Variants in TSFM observed in about 807,000 individuals in gnomAD.
TSFM encodes the protein Ts translation elongation factor, mitochondrial.
Under a neutral mutation model 33.4 loss-of-function variants are expected in TSFM, and 29 were observed. The observed-to-expected ratio is 0.87, with a 90% CI of 0.65 to 1.18. The LOEUF is 1.18. Ranked by LOEUF, TSFM falls within the 50% of genes most tolerant of loss-of-function variation. The probability of loss-of-function intolerance (pLI) is 0.00; values close to 1 mark genes in which losing one functional copy is unlikely to be tolerated. For missense variants in TSFM, 394 were observed against 395.6 expected (o/e 1.00, Z 0.04); for synonymous variants, 178 against 163.5 (o/e 1.09, Z -0.68).
intron 2 of TSFM, chr12:57,784,298 CAGTG>C (rs1955559388): frequency 1.7e-6 from 1 of 597,396 alleles, no homozygotes; most frequent in South Asian, 1.9e-5. Context: ...CTGGGTGAGT[CAGTG>C]AGTGGTGAGT....
downstream of TSFM, chr12:57,797,620 T>C (rs993360328): frequency 2.2e-6 from 2 of 915,742 alleles, no homozygotes; most frequent in African/African-American, 3.5e-5. Flanking sequence ...TTCTCCAGAT[T>C]TATGCAGTTT....
downstream of TSFM, chr12:57,801,287 C>T: frequency 1.6e-6 from 2 of 1,271,398 alleles, no homozygotes; most frequent in Non-Finnish European, 2.2e-6. Flanking sequence ...TGGTCTGTGT[C>T]TTCAGGAAAA....
chr12:57,794,394 G>A (rs1955703304), intron 5 of TSFM, among the ~76,000 whole-genome samples: 1 of 152,182 alleles, frequency 6.6e-6, no homozygotes, highest in Non-Finnish European at 1.5e-5. Flanking sequence ...TCTGTTAGAA[G>A]AGAATAACAT....
downstream of TSFM, chr12:57,802,028 G>A (rs1595157763): frequency 9.8e-7 from 1 of 1,021,436 alleles, no homozygotes; most frequent in African/African-American, 1.6e-5. Flanking sequence ...TAAAAGGCAG[G>A]GAGTGGGATG....
At chr12:57,801,753 A>T (rs1315604490), downstream of TSFM, among the ~76,000 whole-genome samples, 3 of 152,146 alleles carry the variant, frequency 2.0e-5, no homozygotes, top group African/African-American at 7.2e-5. Flanking sequence ...AAAAAGAAAA[A>T]AAAAAGTTGA....
intron 2 of TSFM, among the ~76,000 whole-genome samples, chr12:57,784,627 T>C (rs533981586): frequency 1.8e-4 from 27 of 152,104 alleles, no homozygotes; most frequent in Admixed American, 1.7e-3. Flanking sequence ...GCCTGTAATC[T>C]CAGAACTTTG....
chr12:57,801,306 G>A (rs1955843617), downstream of TSFM: 1 of 984,640 alleles, frequency 1.0e-6, no homozygotes, highest in Non-Finnish European at 1.5e-6. Context: ...AAGCAAAAGA[G>A]CCAGGGAGTC....
At chr12:57,797,954 G>GCAAA, downstream of TSFM, 1 of 1,613,210 alleles carries the variant, frequency 6.2e-7, no homozygotes, top group Non-Finnish European at 8.5e-7. Context: ...GCCCTCTTGT[G>GCAAA]ATGCCAAACA....
intron 4 of TSFM, among the ~76,000 whole-genome samples, chr12:57,788,965 CTTTTTTTTTT>C (rs35955000): frequency 7.3e-6 from 1 of 136,124 alleles, no homozygotes; most frequent in African/African-American, 2.7e-5. Context: ...TATCATCGCC[CTTTTTTTTTT>C]TTTTTTTTGA....
chr12:57,800,287 TA>T (rs922054687), downstream of TSFM: 45 of 180,046 alleles, frequency 2.5e-4, no homozygotes, highest in African/African-American at 1.1e-3. Flanking sequence ...TAGTCCTACT[TA>T]AATACAATTT....
chr12:57,799,937 T>C, downstream of TSFM: 1 of 1,613,978 alleles, frequency 6.2e-7, no homozygotes, highest in Middle Eastern at 1.6e-4. Context: ...AAGATAAGAA[T>C]GTAGGCACAG....
At position 57,786,033 on chromosome 12, in the gene TSFM, G is replaced by A; in HGVS notation, c.232-130G>A. The A allele has an allele frequency of 3.4e-6, 4 of 1,179,602 alleles. No individual in the cohort carries two copies. In the East Asian group the frequency reaches 8.5e-5, roughly 25 times the overall value. 73.1% of individuals were successfully genotyped at this position (1,179,602 alleles called of 1,614,324 possible). ...TTTGGCATTTAGTGGTAGACTGCCAGTAAATGATAGATTACTTTAGTTTCT... is the reference window on the plus strand; with the variant it reads ...TTTGGCATTTAGTGGTAGACTGCCAATAAATGATAGATTACTTTAGTTTCT... On this transcript the variant is annotated intron_variant, in intron 2 of 5. Coordinates refer to ENST00000652027, the MANE Select transcript of TSFM (RefSeq NM_005726.6).
chr12:57,784,219 A>G (rs1955558113), intron 2 of TSFM: 1 of 682,732 alleles, frequency 1.5e-6, no homozygotes, highest in Non-Finnish European at 2.7e-6. Context: ...AATAGGCATA[A>G]AAGATAAAAA....
intron 2 of TSFM, among the ~76,000 whole-genome samples, chr12:57,785,716 G>A (rs1016810553): frequency 6.6e-6 from 1 of 152,180 alleles, no homozygotes; most frequent in African/African-American, 2.4e-5. Context: ...AATTGTATGT[G>A]CTATACTTTA....
intron 4 of TSFM, among the ~76,000 whole-genome samples, chr12:57,788,342 C>A (rs1031489590): frequency 1.3e-5 from 2 of 151,532 alleles, no homozygotes; most frequent in African/African-American, 4.8e-5. Context: ...TGCAGTGGTG[C>A]AATCTTGGCT....
intron 5 of TSFM, 74 bp downstream of exon 5, chr12:57,793,147 A>G (rs1010490156): frequency 3.0e-6 from 4 of 1,328,054 alleles, no homozygotes; most frequent in Non-Finnish European, 4.3e-6. Flanking sequence ...CTCCAAATCT[A>G]GGTCAAGAAT....
intron 4 of TSFM, among the ~76,000 whole-genome samples, chr12:57,792,287 G>A (rs564388633): frequency 3.3e-5 from 5 of 152,268 alleles, no homozygotes; most frequent in Admixed American, 1.3e-4. Flanking sequence ...AGTGGCTTAC[G>A]CCTGTAATCC....
Position 57,795,412 on chromosome 12 carries a change from ATTAT to A in TSFM, c.572-758_572-755del, listed in dbSNP as rs369090706. On this transcript the variant is annotated intron_variant, in intron 5 of 5. Coordinates refer to ENST00000652027, the MANE Select transcript of TSFM (RefSeq NM_005726.6). ...ACCACGGCTGGCTGCTTTTACATAT[ATTAT>A]TTATTTCTCCCCAAAACCCTGAAAG... Among the ~76,000 whole-genome samples, 592 of 151,800 alleles carry A rather than the reference ATTAT, an allele frequency of 3.9e-3. 17 individuals carry two copies. In the South Asian group the frequency reaches 0.068, roughly 17 times the overall value.
Position 57,797,292 on chromosome 12 carries a change from T to C in TSFM, c.*709T>C. 1 of 985,440 alleles carries C rather than the reference T, an allele frequency of 1.0e-6. No homozygotes were observed. Among genetic ancestry groups the C allele is most frequent in the Non-Finnish European group, 1.2e-6 (1 of 829,928 alleles). The allele number at this position is 985,440 out of a possible 1,614,324, so 61.0% of individuals were successfully genotyped here. On this transcript the variant is annotated 3_prime_UTR_variant, in exon 6 of 6. Transcript: ENST00000652027. Reference sequence around the variant, plus strand: ...GAGAGCTCACTTAACATTGCCTCTTTACTTCCCCAGTACTGAAACATTTCT... The same window carrying C: ...GAGAGCTCACTTAACATTGCCTCTTCACTTCCCCAGTACTGAAACATTTCT...
Sources: allele counts gnomAD v4.1 joint callset (sites outside exome capture counted in the v4.1 genomes callset), GRCh38; gene constraint gnomAD v4.1.1; transcripts MANE v1.5; gene names NCBI Gene and HGNC (gene_info 2026-07-23, HGNC 2026-07-21).